Variants in MNX1 observed in about 807,000 individuals in gnomAD.
MNX1 encodes the protein motor neuron and pancreas homeobox protein 1.
A neutral mutation model predicts 17.3 loss-of-function variants in MNX1; 2 were observed. The observed-to-expected ratio is 0.12, with a 90% confidence interval of 0.05 to 0.36. The LOEUF is 0.36. MNX1 is among the 10% of genes least tolerant of loss of function. MNX1 has a pLI of 1.00. For synonymous variants in MNX1, 306 were observed against 283.1 expected (o/e 1.08, Z -0.81); for missense variants, 556 against 564.7 (o/e 0.98, Z 0.16).
rs541583615 is a variant in MNX1, at chr7:157,005,406, G to C, written c.*114C>G. ...GCCTGGGCGAGGGGTCCATGGGGCG[G>C]CGGTCGAGCCTGCTCTCGGGGCCGG... On this transcript the variant is annotated 3_prime_UTR_variant, in exon 3 of 3. Transcript: ENST00000252971. The C allele has an allele frequency of 0.011, 7,374 of 702,080 alleles. 53 individuals are homozygous for C. Among genetic ancestry groups the C allele is most frequent in the Non-Finnish European group, 0.012 (6,563 of 525,898 alleles). 43.5% of individuals were successfully genotyped at this position (702,080 alleles called of 1,614,324 possible).
chr7:157,006,542 G>T lies in MNX1; in HGVS notation c.789C>A (p.Asn263Lys), dbSNP rs753981554. 6.2e-7 allele frequency: 1 copy of T among 1,610,716 alleles called. No homozygotes were observed. The highest frequency in any genetic ancestry group is 8.5e-7 in the Non-Finnish European group (1 of 1,179,192). ...AGCGCTTGGGCCGCGACAGGTACTTGTTGAGCTTGAACTGGTGCTCCAGCT... is the reference window on the plus strand; with the variant it reads ...AGCGCTTGGGCCGCGACAGGTACTTTTTGAGCTTGAACTGGTGCTCCAGCT... Reference protein sequence around the residue: ...LLELEHQFKLNKYLSRPKRFE... With the variant: ...LLELEHQFKLKKYLSRPKRFE... Residue 263 changes from asparagine (N) to lysine (K), a missense_variant, in exon 2 of 3, where the codon AAC (asparagine) becomes AAA (lysine). Physicochemically the swap from Asn to Lys is moderately conservative, Grantham distance 94. Coordinates refer to ENST00000252971, the MANE Select transcript of MNX1 (RefSeq NM_005515.4). The surrounding 1 kb of genome is among the most constrained non-coding windows in gnomAD (Gnocchi z 6.3).
intron 1 of MNX1, chr7:157,008,859 G>A: frequency 2.4e-6 from 2 of 828,766 alleles, no homozygotes; most frequent in East Asian, 2.7e-5. Flanking sequence ...GAGTCCGCGT[G>A]TGCCAGGAAA....
Position 157,010,296 on chromosome 7 carries a change from G to C in MNX1, c.55C>G (p.Arg19Gly), listed in dbSNP as rs374082660. 6 of 1,574,716 alleles carry C rather than the reference G, an allele frequency of 3.8e-6. No individual in the cohort carries two copies. The highest frequency in any genetic ancestry group is 5.2e-6 in the Non-Finnish European group (6 of 1,161,946). The part of the protein sequence containing the change: ...IDALLAVDPP[R>G]AASAQSAPLA... ...GGCGCGCTCTGCGCAGAGGCGGCTC[G>C]TGGGGGGTCCACCGCCAGCAGGGCG... Residue 19 changes from arginine (R) to glycine (G), a missense_variant, in exon 1 of 3, where the codon CGA becomes GGA. Coordinates refer to ENST00000252971, the MANE Select transcript of MNX1 (RefSeq NM_005515.4).
At chr7:157,008,772 T>TA in intron 1 of MNX1, 2 of 585,186 alleles carry the variant, frequency 3.4e-6, no homozygotes, top group Non-Finnish European at 6.1e-6. Flanking sequence ...GCCCGACTCA[T>TA]AAGTAGCTGA....
At chr7:157,008,159 G>C (rs1474011014) in intron 1 of MNX1, 1 of 152,242 alleles carries the variant, frequency 6.6e-6, no homozygotes, top group African/African-American at 2.4e-5. Flanking sequence ...AATTTTCTGA[G>C]TGACCCTGGG....
intron 2 of MNX1, 47 bp from the exon 3 acceptor site, chr7:157,005,920 G>T: frequency 6.2e-7 from 1 of 1,602,350 alleles, no homozygotes. Flanking sequence ...CCACCCCAGG[G>T]CTTCCTGTCC....
chr7:157,009,600 G>C, intron 1 of MNX1, 60 bp downstream of exon 1: 1 of 1,579,644 alleles, frequency 6.3e-7, no homozygotes, highest in East Asian at 2.3e-5. Context: ...AGGCGGTGCC[G>C]GTGGAGGATG....
At position 157,006,776 on chromosome 7, in the gene MNX1, T is replaced by G; in HGVS notation, c.692-137A>C. ...GCAGAGGGCGGGGCTGTTCCCTCACTATCAGTGCCCACTCCCCAAGGAATG... is the reference window on the plus strand; with the variant it reads ...GCAGAGGGCGGGGCTGTTCCCTCACGATCAGTGCCCACTCCCCAAGGAATG... On this transcript the variant is annotated intron_variant, in intron 1 of 2. Transcript: ENST00000252971. This position sits in a 1 kb window ranked among gnomAD's most constrained non-coding sequence, Gnocchi z 6.3. 1.2e-6 allele frequency: 1 copy of G among 864,124 alleles called. No individual in the cohort carries two copies. The highest frequency in any genetic ancestry group is 2.8e-5 in the East Asian group (1 of 36,040). The allele number at this position is 864,124 out of a possible 1,614,324, so 53.5% of individuals were successfully genotyped here.
Position 157,006,352 on chromosome 7 carries a change from G to A in MNX1, c.852+127C>T. ...CGCTCTGGGCACCTTAGATGAACCC[G>A]TGCGCCCGCCGTCTGAACCGTCGAG... is the stretch of plus-strand genomic sequence containing the variant. On this transcript the variant is annotated intron_variant, in intron 2 of 2. Transcript: ENST00000252971. The surrounding 1 kb of genome is among the most constrained non-coding windows in gnomAD (Gnocchi z 6.3). 2 of 1,106,462 alleles carry A rather than the reference G, an allele frequency of 1.8e-6. No individual in the cohort carries two copies. Among genetic ancestry groups the A allele is most frequent in the Non-Finnish European group, 2.5e-6 (2 of 787,216 alleles). 68.5% of individuals were successfully genotyped at this position (1,106,462 alleles called of 1,614,324 possible).
chr7:157,010,464 T>C lies in MNX1; in HGVS notation c.-114A>G. On this transcript the variant is annotated 5_prime_UTR_variant, in exon 1 of 3. Transcript: ENST00000252971. ...CGGGGGCTCGGTATTGTTATGGTGG[T>C]TATTTGCCAATAATCAAAGTCGCCG... The C allele has an allele frequency of 1.5e-6, 1 of 658,554 alleles. No individual in the cohort carries two copies. Among genetic ancestry groups the C allele is most frequent in the South Asian group, 3.8e-5 (1 of 26,030 alleles). The allele number at this position is 658,554 out of a possible 1,614,324, so 40.8% of individuals were successfully genotyped here.
Position 157,010,333 on chromosome 7 carries a change from A to AT in MNX1, c.17dup (p.Asn6LysfsTer50). ...CCGCCAGCAGGGCGTCGATGCGGAA[A>AT]TTTTTGGATTTTTCCATCGGCTCGT... On this transcript the variant is annotated frameshift_variant, in exon 1 of 3. Transcript: ENST00000252971. LOFTEE classifies it high-confidence loss of function. 6.3e-7 allele frequency: 1 copy of AT among 1,581,944 alleles called. No homozygotes were observed. The highest frequency in any genetic ancestry group is 8.6e-7 in the Non-Finnish European group (1 of 1,164,654).
At chr7:157,008,799 G>A (rs1805650876) in intron 1 of MNX1, 1 of 602,482 alleles carries the variant, frequency 1.7e-6, no homozygotes, top group African/African-American at 1.9e-5. Flanking sequence ...TGGGGCGAGC[G>A]GGGAGAGCCA....
chr7:157,010,342 T>G lies in MNX1; in HGVS notation c.9A>C (p.Lys3Asn), dbSNP rs771305665. Reference protein sequence around the residue: MEKSKNFRIDALL... With the variant: MENSKNFRIDALL... ...GGGCGTCGATGCGGAAATTTTTGGA[T>G]TTTTCCATCGGCTCGTTTGGGGCTG... The change falls in exon 1 of 3, where the codon AAA becomes AAC. Residue 3 changes from lysine to asparagine, a missense_variant. Around this residue, in one of 7 missense-constraint regions of MNX1, gnomAD observed 45 missense variants for 42.0 expected, o/e 1.07. Transcript: ENST00000252971. 1.0e-5 allele frequency: 16 copies of G among 1,582,456 alleles called. No individual in the cohort carries two copies. Among genetic ancestry groups the G allele is most frequent in the Non-Finnish European group, 1.3e-5 (15 of 1,164,970 alleles).
chr7:157,009,044 T>TC (rs753593706), intron 1 of MNX1: 67 of 1,536,556 alleles, frequency 4.4e-5, no homozygotes, highest in Non-Finnish European at 4.7e-5. Flanking sequence ...CTGTTGAGAG[T>TC]CCCCCCATAG....
intron 1 of MNX1, chr7:157,009,039 G>T: frequency 6.5e-7 from 1 of 1,537,088 alleles, no homozygotes; most frequent in Non-Finnish European, 8.7e-7. Flanking sequence ...ACCTACTGTT[G>T]AGAGTCCCCC....
chr7:157,009,009 C>T, intron 1 of MNX1: 2 of 1,537,128 alleles, frequency 1.3e-6, no homozygotes, highest in Non-Finnish European at 8.7e-7. Flanking sequence ...TTGTTGGGCG[C>T]CCAGGATTCC....
intron 1 of MNX1, chr7:157,009,014 G>A: frequency 6.5e-7 from 1 of 1,537,150 alleles, no homozygotes; most frequent in South Asian, 1.2e-5. Context: ...GGGCGCCCAG[G>A]ATTCCAGGGC....
Position 157,010,433 on chromosome 7 carries a change from C to T in MNX1, c.-83G>A, listed in dbSNP as rs1325535321. ...GCTCGCGGAGTCAGTGCGTGCGGTG[C>T]AAGCCCGGGGGCTCGGTATTGTTAT... On this transcript the variant is annotated 5_prime_UTR_variant, in exon 1 of 3. Transcript: ENST00000252971. 9.5e-7 allele frequency: 1 copy of T among 1,055,868 alleles called. No individual in the cohort carries two copies. Among genetic ancestry groups the T allele is most frequent in the Admixed American group, 2.6e-5 (1 of 38,952 alleles). The allele number at this position is 1,055,868 out of a possible 1,614,324, so 65.4% of individuals were successfully genotyped here.
Position 157,006,497 on chromosome 7 carries a change from G to T in MNX1, c.834C>A (p.Leu278=). The T allele has an allele frequency of 6.2e-7, 1 of 1,611,106 alleles. No homozygotes were observed. Among genetic ancestry groups the T allele is most frequent in the South Asian group, 1.1e-5 (1 of 90,376 alleles). ...CGCGCACCTGGGTCTCGGTGAGCATGAGCGAGGTGGCCACCTCGAAGCGCT... is the reference window on the plus strand; with the variant it reads ...CGCGCACCTGGGTCTCGGTGAGCATTAGCGAGGTGGCCACCTCGAAGCGCT... ...RPKRFEVATS[L]MLTETQVKIW... The change falls in exon 2 of 3, where the codon CTC becomes CTA. Residue 278 remains leucine, a synonymous_variant. Coordinates refer to ENST00000252971, the MANE Select transcript of MNX1 (RefSeq NM_005515.4). The surrounding 1 kb of genome is among the most constrained non-coding windows in gnomAD (Gnocchi z 6.3).
Sources: allele counts gnomAD v4.1 joint callset, GRCh38; gene constraint gnomAD v4.1.1; regional missense constraint gnomAD v4.1.1; non-coding constraint Gnocchi (gnomAD v3.1); transcripts MANE v1.5; gene names NCBI Gene and HGNC (gene_info 2026-07-23, HGNC 2026-07-21).